The following ZNF334 variants were observed in gnomAD, a reference collection of about 807,000 sequenced individuals.
ZNF334 encodes the protein zinc finger protein 334.
ZNF334 carries 14 observed loss-of-function variants against 12.4 expected under a neutral mutation model. The observed-to-expected ratio is 1.13, with a 90% CI of 0.74 to 1.76. The LOEUF (loss-of-function observed/expected upper bound fraction) is 1.76. Among genes scored for constraint, ZNF334 ranks in the 40% most tolerant of loss-of-function variants. ZNF334 has a pLI of 0.00. For missense variants in ZNF334, 797 were observed against 804.5 expected, an observed-to-expected ratio of 0.99 and a Z score of 0.11; for synonymous variants, 273 against 269.6, an observed-to-expected ratio of 1.01 and a Z score of -0.12.
Position 46,502,671 on chromosome 20 carries a change from A to G in ZNF334, c.668T>C (p.Ile223Thr). 2 of 1,612,678 alleles carry G rather than the reference A, an allele frequency of 1.2e-6. No homozygotes were observed. The highest frequency in any genetic ancestry group is 1.7e-6 in the Non-Finnish European group (2 of 1,179,960). Residue 223 changes from isoleucine to threonine, a missense_variant, in exon 5 of 5, where the codon ATT becomes ACT. Ile to Thr is a moderately conservative substitution (Grantham distance 89). Transcript: ENST00000692313. ...CTGTCTCCCCTTTTGTGTAATGAGA[A>G]TTGCCCTCTTGAAGAAGGTTTTCCC... ...KCGKTFFKRA[I>T]LITQKGRQTE...
chr20:46,488,655 T>C, the ZNF334 span, among the ~76,000 whole-genome samples: 1 of 151,838 alleles, frequency 6.6e-6, no homozygotes, highest in Non-Finnish European at 1.5e-5. Flanking sequence ...TGGCATCCCT[T>C]TTCTTCTGCC....
chr20:46,486,682 T>C, the ZNF334 span, among the ~76,000 whole-genome samples: 2 of 151,994 alleles, frequency 1.3e-5, no homozygotes, highest in South Asian at 2.1e-4. Flanking sequence ...CTTTAGAATG[T>C]ATAACAATTT....
intron 2 of ZNF334, among the ~76,000 whole-genome samples, chr20:46,509,045 A>T (rs935519833): frequency 6.6e-6 from 1 of 152,244 alleles, no homozygotes; most frequent in African/African-American, 2.4e-5. Context: ...GTCCCATATC[A>T]GTGAGAACTT....
chr20:46,488,457 A>G, the ZNF334 span, among the ~76,000 whole-genome samples: 1 of 146,096 alleles, frequency 6.8e-6, no homozygotes, highest in African/African-American at 2.5e-5. Context: ...ACCATAATTT[A>G]TCTCCACCTG....
At chr20:46,479,404 T>C in the ZNF334 span, among the ~76,000 whole-genome samples, 1 of 151,954 alleles carries the variant, frequency 6.6e-6, no homozygotes, top group East Asian at 1.9e-4. Context: ...AAATTCACAA[T>C]CATCATGGGA....
chr20:46,504,610 T>C lies in ZNF334; in HGVS notation c.148+4A>G. 1 of 1,592,586 alleles carries C rather than the reference T, an allele frequency of 6.3e-7. No homozygotes were observed. Among genetic ancestry groups the C allele is most frequent in the South Asian group, 1.2e-5 (1 of 86,838 alleles). On this transcript the variant is annotated splice_donor_region_variant and intron_variant, in intron 3 of 4. Transcript: ENST00000692313. ...TGGGAGTTGTACAGGGAAATAGTCC[T>C]TACCCACAGAGACCAAGTTGCTGTA...
chr20:46,500,804 A>C lies in ZNF334; in HGVS notation c.*492T>G. On this transcript the variant is annotated 3_prime_UTR_variant, in exon 5 of 5. Transcript: ENST00000692313. Reference sequence around the variant, plus strand: ...TCCTGAGTTGTCACCTTTGCAGATAAAGGTATACAGTCCACTACTAGAAGA... The same window carrying C: ...TCCTGAGTTGTCACCTTTGCAGATACAGGTATACAGTCCACTACTAGAAGA... 6.1e-6 allele frequency: 1 copy of C among 163,554 alleles called. No individual in the cohort carries two copies. Among genetic ancestry groups the C allele is most frequent in the Non-Finnish European group, 1.3e-5 (1 of 74,106 alleles). 10.1% of individuals were successfully genotyped at this position (163,554 alleles called of 1,614,324 possible). A position where few individuals can be genotyped will look rare whatever the true frequency, so the allele number is the denominator to read the frequency against.
chr20:46,508,606 G>A (rs2061525375), intron 2 of ZNF334, among the ~76,000 whole-genome samples: 1 of 152,212 alleles, frequency 6.6e-6, no homozygotes, highest in Non-Finnish European at 1.5e-5. Flanking sequence ...GCTCAATGTG[G>A]GTGGTCCCTT....
chr20:46,502,759 C>T lies in ZNF334; in HGVS notation c.580G>A (p.Glu194Lys), dbSNP rs1334061276. ...NPMRKASNQNENLILHQNIQI... is the reference protein window; with the variant it reads ...NPMRKASNQNKNLILHQNIQI... ...ATGTTCTGGTGCAGAATAAGATTTT[C>T]GTTTTGATTGCTGGCTTTCCTCATT... The change falls in exon 5 of 5, where the codon GAA becomes AAA. Residue 194 changes from glutamate (E) to lysine (K), a missense_variant. Coordinates refer to ENST00000692313, the MANE Select transcript of ZNF334 (RefSeq NM_001353824.2). 15 of 1,613,802 alleles carry T rather than the reference C, an allele frequency of 9.3e-6. No homozygotes were observed. Among genetic ancestry groups the T allele is most frequent in the African/African-American group, 8.0e-5 (6 of 75,060 alleles).
the ZNF334 span, among the ~76,000 whole-genome samples, chr20:46,493,728 T>C: frequency 1.3e-5 from 2 of 152,208 alleles, no homozygotes; most frequent in Non-Finnish European, 2.9e-5. Context: ...TTACCATCCC[T>C]AGCCCTGAAG....
rs764275331 is a variant in ZNF334, at chr20:46,502,534, C to T, written c.805G>A (p.Asp269Asn). ...TTCACACGAAAAGTTTTCCTACAAT[C>T]ACTACAAACATACGGTTTCTCCCCT... ...HTGEKPYVCS[D>N]CRKTFRVKTS... The change falls in exon 5 of 5, where the codon GAT becomes AAT. Residue 269 changes from aspartate to asparagine, a missense_variant. Asp to Asn is a conservative substitution (Grantham distance 23, BLOSUM62 1). Coordinates refer to ENST00000692313, the MANE Select transcript of ZNF334 (RefSeq NM_001353824.2). The T allele has an allele frequency of 1.2e-6, 2 of 1,613,368 alleles. No homozygotes were observed. The highest frequency in any genetic ancestry group is 2.2e-5 in the South Asian group (2 of 90,982).
chr20:46,474,156 C>T, the ZNF334 span, among the ~76,000 whole-genome samples: 5 of 152,038 alleles, frequency 3.3e-5, no homozygotes, highest in African/African-American at 1.2e-4. Context: ...GGGTGGATCA[C>T]GAGGTCAGGA....
rs2061692876 is a variant in ZNF334, at chr20:46,512,588, G to A, written c.-87C>T. Reference sequence around the variant, plus strand: ...GCCACTTGAGATGACAGAATCCAGAGAGAATGAATGAAAGTGCTTTAAGGT... The same window carrying A: ...GCCACTTGAGATGACAGAATCCAGAAAGAATGAATGAAAGTGCTTTAAGGT... On this transcript the variant is annotated 5_prime_UTR_variant, in exon 1 of 5. Transcript: ENST00000692313. 6.5e-6 allele frequency: 1 copy of A among 153,102 alleles called. No homozygotes were observed. Among genetic ancestry groups the A allele is most frequent in the Non-Finnish European group, 1.5e-5 (1 of 68,716 alleles). 9.5% of individuals were successfully genotyped at this position (153,102 alleles called of 1,614,324 possible). A position where few individuals can be genotyped will look rare whatever the true frequency, so the allele number is the denominator to read the frequency against.
At chr20:46,490,759 T>A in the ZNF334 span, 1 of 152,232 alleles carries the variant, frequency 6.6e-6, no homozygotes, top group African/African-American at 2.4e-5. Context: ...TTTCCCTCGC[T>A]TTCCTAATTA....
chr20:46,470,042 T>G, the ZNF334 span, among the ~76,000 whole-genome samples: 1 of 152,136 alleles, frequency 6.6e-6, no homozygotes, highest in African/African-American at 2.4e-5. Flanking sequence ...GTATTTAAAA[T>G]AGTAGAGCTC....
At chr20:46,488,417 T>TATATATATATATATATA in the ZNF334 span, among the ~76,000 whole-genome samples, 13 of 98,026 alleles carry the variant, frequency 1.3e-4, no homozygotes, top group African/African-American at 6.9e-4. Flanking sequence ...GTAGCTCTTA[T>TATATATATATATATATA]TTTATATATA....
At chr20:46,467,288 AT>A in the ZNF334 span, among the ~76,000 whole-genome samples, 2 of 152,206 alleles carry the variant, frequency 1.3e-5, no homozygotes, top group African/African-American at 4.8e-5. Flanking sequence ...AAAATAAGGC[AT>A]TTTTTGGGAA....
the ZNF334 span, among the ~76,000 whole-genome samples, chr20:46,466,682 C>T: frequency 2.0e-5 from 3 of 152,060 alleles, no homozygotes; most frequent in Non-Finnish European, 4.4e-5. Context: ...CGGGGTTTTG[C>T]CATTTTGGCC....
At chr20:46,511,033 A>G (rs1017765218) in intron 2 of ZNF334, among the ~76,000 whole-genome samples, 2 of 152,138 alleles carry the variant, frequency 1.3e-5, no homozygotes, top group Admixed American at 1.3e-4. Context: ...ATCAGAAAGA[A>G]TAATGGGCTA....
Sources: gnomAD v4.1 joint callset for allele counts (sites outside exome capture counted in the v4.1 genomes callset) on GRCh38, gnomAD v4.1.1 for gene constraint, MANE v1.5 for transcripts, NCBI Gene and HGNC (gene_info 2026-07-23, HGNC 2026-07-21) for gene names.